MTMR8: variants seen among roughly 807,000 people sequenced by gnomAD.
MTMR8 encodes phosphatidylinositol-3,5-bisphosphate 3-phosphatase MTMR8.
MTMR8 carries 65 observed loss-of-function variants against 39.3 expected under a neutral mutation model. That is an observed-to-expected ratio of 1.65 (90% CI 1.35 to 2.03). The LOEUF is 2.03. Ranked by LOEUF, MTMR8 falls within the 30% of genes most tolerant of loss-of-function variation. The probability of loss-of-function intolerance (pLI) is 0.00; values close to 1 mark genes in which losing one functional copy is unlikely to be tolerated. For missense variants in MTMR8, 777 were observed against 538.9 expected, an observed-to-expected ratio of 1.44 and a Z score of -4.37; for synonymous variants, 245 against 185.2, an observed-to-expected ratio of 1.32 and a Z score of -2.62.
At chrX:64,351,135 G>T (rs1923476781) in intron 4 of MTMR8, among the ~76,000 whole-genome samples, 1 of 111,016 alleles carries the variant, frequency 9.0e-6, no homozygotes, top group African/African-American at 3.3e-5. Flanking sequence ...CAGCTTAGAA[G>T]GTTATACACA....
At chrX:64,279,004 C>T (rs752093275) in intron 12 of MTMR8, among the ~76,000 whole-genome samples, 79 of 108,970 alleles carry the variant, frequency 7.2e-4, no homozygotes, top group Admixed American at 4.1e-3. Context: ...AGGTGTCTGT[C>T]GACTCCTGCT....
At chrX:64,326,414 A>T (rs1922795822) in intron 12 of MTMR8, among the ~76,000 whole-genome samples, 1 of 112,066 alleles carries the variant, frequency 8.9e-6, no homozygotes. Context: ...AAACTATCTG[A>T]AAAAGAAATC....
chrX:64,349,014 G>A (rs1923416533), intron 5 of MTMR8, among the ~76,000 whole-genome samples: 1 of 111,180 alleles, frequency 9.0e-6, no homozygotes, highest in Non-Finnish European at 1.9e-5. Context: ...ACCCAGTCTT[G>A]GTAAATCAGA....
chrX:64,367,343 C>A (rs1044538714), intron 1 of MTMR8, among the ~76,000 whole-genome samples: 1 of 111,807 alleles, frequency 8.9e-6, no homozygotes, highest in Non-Finnish European at 1.9e-5. Context: ...TGATGAACAT[C>A]GATGCCAAAA....
chrX:64,347,571 G>T (rs1242542608), intron 6 of MTMR8, among the ~76,000 whole-genome samples: 1 of 111,888 alleles, frequency 8.9e-6, no homozygotes, highest in Non-Finnish European at 1.9e-5. Context: ...CAACTATCTG[G>T]TTTCATGTAC....
rs770749224 is a variant in MTMR8, at chrX:64,278,724, G to A, written c.1482-7651C>T. On this transcript the variant is annotated intron_variant, in intron 12 of 13. Coordinates refer to ENST00000374852, the MANE Select transcript of MTMR8 (RefSeq NM_017677.4). Reference sequence around the variant, plus strand: ...CCTGACCTTGTGATCTGCCCGCCTCGGCCTTCCAAAGTACTGGGATTACAG... The same window carrying A: ...CCTGACCTTGTGATCTGCCCGCCTCAGCCTTCCAAAGTACTGGGATTACAG... 1.2e-3 allele frequency among the ~76,000 whole-genome samples: 137 copies of A among 109,976 alleles called. 1 individual carries two copies. The highest frequency in any genetic ancestry group is 4.2e-3 in the African/African-American group (126 of 30,184).
intron 12 of MTMR8, among the ~76,000 whole-genome samples, chrX:64,322,705 A>G (rs181961014): frequency 0.012 from 1,295 of 112,355 alleles, 50 homozygotes; most frequent in Admixed American, 0.099. Context: ...TTCATTGCTG[A>G]AGCTGCACTG....
intron 12 of MTMR8, chrX:64,306,658 T>C (rs1321186127): frequency 8.8e-6 from 1 of 113,957 alleles, no homozygotes; most frequent in Admixed American, 9.5e-5. Flanking sequence ...TTCATTTTGC[T>C]GTCTTCTCAT....
At chrX:64,383,089 T>C (rs1391964753) in intron 1 of MTMR8, among the ~76,000 whole-genome samples, 2 of 111,662 alleles carry the variant, frequency 1.8e-5, no homozygotes, top group Non-Finnish European at 3.8e-5. Flanking sequence ...GCTTTACATG[T>C]CATATTTCAT....
At chrX:64,295,846 G>A (rs1045525597) in intron 12 of MTMR8, among the ~76,000 whole-genome samples, 2 of 111,919 alleles carry the variant, frequency 1.8e-5, no homozygotes, top group Non-Finnish European at 3.8e-5. Flanking sequence ...TAGAGTCCTT[G>A]TGCATTGCTG....
intron 12 of MTMR8, among the ~76,000 whole-genome samples, chrX:64,302,255 A>G (rs1921913355): frequency 8.9e-6 from 1 of 112,259 alleles, no homozygotes; most frequent in African/African-American, 3.2e-5. Flanking sequence ...CAGGTGTGGG[A>G]TATAGTCTCA....
intron 1 of MTMR8, among the ~76,000 whole-genome samples, chrX:64,381,369 A>G (rs1278771936): frequency 9.1e-6 from 1 of 109,859 alleles, no homozygotes; most frequent in Non-Finnish European, 1.9e-5. Flanking sequence ...GCATTTTTTC[A>G]TGTGTCTTTT....
chrX:64,271,035 A>G lies in MTMR8; in HGVS notation c.1520T>C (p.Leu507Pro). Reference sequence around the variant, plus strand: ...CTCTAGCATACTCTGCTTGGGCTGCAGCCCTTTGTCAAAGCGGTTATACAT... The same window carrying G: ...CTCTAGCATACTCTGCTTGGGCTGCGGCCCTTTGTCAAAGCGGTTATACAT... Reference protein sequence around the residue: ...CGMYNRFDKGLQPKQSMLESL... With the variant: ...CGMYNRFDKGPQPKQSMLESL... The change falls in exon 13 of 14, where the codon CTG becomes CCG. Residue 507 changes from leucine (L) to proline (P), a missense_variant. Physicochemically the swap from Leu to Pro is moderately conservative, Grantham distance 98. Transcript: ENST00000374852. 1 of 1,208,027 alleles carries G rather than the reference A, an allele frequency of 8.3e-7. No individual in the cohort carries two copies. The highest frequency in any genetic ancestry group is 1.1e-6 in the Non-Finnish European group (1 of 893,977).
chrX:64,382,217 G>C lies in MTMR8; in HGVS notation c.24+13123C>G, dbSNP rs139695585. On this transcript the variant is annotated intron_variant, in intron 1 of 13. Transcript: ENST00000374852. The stretch of plus-strand genomic sequence containing the variant: ...GCAGTATAGCCATTTTCACGATATT[G>C]ATTCCTCCTGCCCGTGAGCATGGAA... 9.5e-3 allele frequency among the ~76,000 whole-genome samples: 1,064 copies of C among 111,679 alleles called. 14 individuals are homozygous for C. The highest frequency in any genetic ancestry group is 0.043 in the Admixed American group (451 of 10,560).
intron 12 of MTMR8, among the ~76,000 whole-genome samples, chrX:64,314,114 T>C (rs917847052): frequency 8.9e-6 from 1 of 112,527 alleles, no homozygotes; most frequent in Non-Finnish European, 1.9e-5. Flanking sequence ...CTCTGCTTTG[T>C]TCTTTGGCTC....
intron 12 of MTMR8, among the ~76,000 whole-genome samples, chrX:64,327,211 C>A (rs747533683): frequency 2.1e-4 from 23 of 111,528 alleles, no homozygotes; most frequent in African/African-American, 7.5e-4. Context: ...AAAGCTTCTG[C>A]TGCACAGTAA....
At chrX:64,316,522 C>T (rs1207422036) in intron 12 of MTMR8, among the ~76,000 whole-genome samples, 1 of 111,022 alleles carries the variant, frequency 9.0e-6, no homozygotes, top group Non-Finnish European at 1.9e-5. Flanking sequence ...TTGGTGCATG[C>T]CTGTTGTCCC....
chrX:64,378,026 C>T lies in MTMR8; in HGVS notation c.24+17314G>A, dbSNP rs762199759. ...GCCATGTGAAGATGTGCTTGCTTCC[C>T]CTTCACCTTCTGCCATGACTGTAAA... is the stretch of plus-strand genomic sequence containing the variant. On this transcript the variant is annotated intron_variant, in intron 1 of 13. Coordinates refer to ENST00000374852, the MANE Select transcript of MTMR8 (RefSeq NM_017677.4). Among the ~76,000 whole-genome samples the T allele has an allele frequency of 2.7e-5, 3 of 111,746 alleles. No homozygotes were observed. In the South Asian group the frequency reaches 1.1e-3, roughly 42 times the overall value.
chrX:64,387,257 T>G (rs1378256421), intron 1 of MTMR8, among the ~76,000 whole-genome samples: 1 of 111,182 alleles, frequency 9.0e-6, no homozygotes, highest in Admixed American at 9.6e-5. Context: ...TTCTCCTGAC[T>G]GTCCCAGAGA....
Sources: allele counts gnomAD v4.1 joint callset (sites outside exome capture counted in the v4.1 genomes callset), GRCh38; gene constraint gnomAD v4.1.1; transcripts MANE v1.5; gene names NCBI Gene and HGNC (gene_info 2026-07-23, HGNC 2026-07-21).